The following HDAC9 variants were observed in gnomAD, a reference collection of about 807,000 sequenced individuals.
The protein encoded by HDAC9 is histone deacetylase 9.
A neutral mutation model predicts 139.4 loss-of-function variants in HDAC9; 41 were observed. The ratio of observed to expected loss-of-function variants is 0.29; its 90% CI spans 0.23 to 0.38. HDAC9 has a LOEUF of 0.38. Among genes scored for constraint, HDAC9 ranks in the 10% least tolerant of loss-of-function variants. The pLI is 1.00. For synonymous variants in HDAC9, 517 were observed against 476.2 expected, an observed-to-expected ratio of 1.09 and a Z score of -1.12; for missense variants, 1,147 against 1,297.0, an observed-to-expected ratio of 0.88 and a Z score of 1.78.
At chr7:18,670,357 A>G (rs1403022062) in intron 12 of HDAC9, among the ~76,000 whole-genome samples, 1 of 152,172 alleles carries the variant, frequency 6.6e-6, no homozygotes, top group South Asian at 2.1e-4. Flanking sequence ...TGCCAACAAC[A>G]TATCTATGTA....
At chr7:18,284,886 C>CT (rs1797338010) in intron 2 of HDAC9, among the ~76,000 whole-genome samples, 1 of 152,152 alleles carries the variant, frequency 6.6e-6, no homozygotes, top group Non-Finnish European at 1.5e-5. Context: ...TTTCAGCACT[C>CT]TGATTTAAAA....
chr7:18,534,692 G>A (rs1208585201), intron 2 of HDAC9, among the ~76,000 whole-genome samples: 1 of 152,180 alleles, frequency 6.6e-6, no homozygotes, highest in Non-Finnish European at 1.5e-5. Flanking sequence ...CCAGAGCTGG[G>A]GAAGTAGATG....
At chr7:18,993,299 G>A (rs974562221) in intron 25 of HDAC9, among the ~76,000 whole-genome samples, 1 of 152,044 alleles carries the variant, frequency 6.6e-6, no homozygotes, top group African/African-American at 2.4e-5. Flanking sequence ...ACATTAACTC[G>A]TTTCAATTCT....
chr7:18,227,318 A>C (rs1257671868), intron 2 of HDAC9, among the ~76,000 whole-genome samples: 1 of 152,164 alleles, frequency 6.6e-6, no homozygotes, highest in Middle Eastern at 3.2e-3. Context: ...AAAGAATATA[A>C]AAATTCGCTG....
chr7:18,524,125 A>G (rs953331191), intron 2 of HDAC9, among the ~76,000 whole-genome samples: 1 of 152,124 alleles, frequency 6.6e-6, no homozygotes, highest in Non-Finnish European at 1.5e-5. Context: ...CAAGTATGGA[A>G]GGTATATAGA....
At chr7:18,802,869 T>G (rs1379454582) in intron 17 of HDAC9, among the ~76,000 whole-genome samples, 1 of 151,838 alleles carries the variant, frequency 6.6e-6, no homozygotes, top group Non-Finnish European at 1.5e-5. Context: ...ACTTTCAGAC[T>G]TTCTCTTTAT....
At chr7:18,243,622 T>C (rs922718512) in intron 2 of HDAC9, among the ~76,000 whole-genome samples, 14 of 152,250 alleles carry the variant, frequency 9.2e-5, no homozygotes, top group African/African-American at 3.4e-4. Flanking sequence ...AAAGGTAAGA[T>C]TGGGGAAGAA....
intron 1 of HDAC9, among the ~76,000 whole-genome samples, chr7:18,359,009 G>T (rs1036186226): frequency 6.6e-6 from 1 of 152,262 alleles, no homozygotes; most frequent in South Asian, 2.1e-4. Context: ...AACCCAGAAG[G>T]CCTTATGCTA....
At chr7:18,306,486 T>C (rs942403496) in intron 1 of HDAC9, among the ~76,000 whole-genome samples, 1 of 152,202 alleles carries the variant, frequency 6.6e-6, no homozygotes, top group East Asian at 1.9e-4. Context: ...AGTAGCAGCC[T>C]TTGTAGGAAA....
At chr7:18,680,929 A>T (rs183120989) in intron 12 of HDAC9, among the ~76,000 whole-genome samples, 1 of 152,188 alleles carries the variant, frequency 6.6e-6, no homozygotes, top group African/African-American at 2.4e-5. Flanking sequence ...TGTTTTACAA[A>T]AAAGGATGAC....
chr7:18,580,095 G>C (rs911633311), intron 2 of HDAC9, among the ~76,000 whole-genome samples: 1 of 152,148 alleles, frequency 6.6e-6, no homozygotes, highest in Non-Finnish European at 1.5e-5. Context: ...ATTATCCTTA[G>C]TACTCTGAAT....
chr7:18,366,949 A>G (rs527823486), intron 1 of HDAC9, among the ~76,000 whole-genome samples: 38 of 152,022 alleles, frequency 2.5e-4, no homozygotes, highest in Non-Finnish European at 4.9e-4. Context: ...AAAATCTCCT[A>G]CATTTGGCTA....
chr7:18,145,351 A>T (rs1786231778), intron 1 of HDAC9, among the ~76,000 whole-genome samples: 1 of 152,216 alleles, frequency 6.6e-6, no homozygotes, highest in Non-Finnish European at 1.5e-5. Flanking sequence ...AGGGTGATGT[A>T]ATGGCATTGG....
chr7:18,794,328 ATG>A (rs35573809), intron 17 of HDAC9, among the ~76,000 whole-genome samples: 121,776 of 151,966 alleles, frequency 0.8, 49,405 homozygotes, highest in South Asian at 0.84. Flanking sequence ...CCAAGATAAA[ATG>A]TAATTAGGAT....
chr7:18,717,992 G>T (rs75701078), intron 12 of HDAC9, among the ~76,000 whole-genome samples: 197 of 152,182 alleles, frequency 1.3e-3, no homozygotes, highest in African/African-American at 4.6e-3. Context: ...TATGCTATAT[G>T]CTTTACTCAT....
At chr7:18,508,646 G>T (rs763691605) in intron 2 of HDAC9, among the ~76,000 whole-genome samples, 3 of 152,020 alleles carry the variant, frequency 2.0e-5, no homozygotes, top group Non-Finnish European at 4.4e-5. Flanking sequence ...TCTTACCCAA[G>T]CAGTATGAGT....
chr7:18,290,288 A>G (rs182764178), upstream of HDAC9: 3 of 353,688 alleles, frequency 8.5e-6, no homozygotes, highest in Non-Finnish European at 1.7e-5. Context: ...CAGTCTTTAT[A>G]AAGTCGTTCA....
At chr7:18,938,973 C>T (rs1187043656) in intron 23 of HDAC9, among the ~76,000 whole-genome samples, 1 of 152,170 alleles carries the variant, frequency 6.6e-6, no homozygotes, top group South Asian at 2.1e-4. Flanking sequence ...CAATATTAAA[C>T]CTGACCATGT....
At chr7:18,451,409 G>A (rs28521153) in intron 1 of HDAC9, among the ~76,000 whole-genome samples, 1,453 of 115,508 alleles carry the variant, frequency 0.013, 19 homozygotes, top group African/African-American at 0.036. Context: ...GTGTATATAT[G>A]TGTGTGTGTG....
Sources: gnomAD v4.1 joint callset for allele counts (sites outside exome capture counted in the v4.1 genomes callset) on GRCh38, gnomAD v4.1.1 for gene constraint, MANE v1.5 for transcripts, NCBI Gene and HGNC (gene_info 2026-07-23, HGNC 2026-07-21) for gene names.